CYBA: variants seen among roughly 807,000 people sequenced by gnomAD.
The protein encoded by CYBA is cytochrome b-245 light chain.
In CYBA, 21 loss-of-function variants were observed where a neutral mutation model predicts 20.8. That is an observed-to-expected ratio of 1.01 (90% confidence interval 0.72 to 1.46). CYBA has a LOEUF of 1.46. Among genes scored for constraint, CYBA ranks in the 40% most tolerant of loss-of-function variants. The pLI, the probability that CYBA is intolerant of heterozygous loss-of-function variation, is 0.00. For missense variants in CYBA, 344 were observed against 287.0 expected, an observed-to-expected ratio of 1.20 and a Z score of -1.43; for synonymous variants, 164 against 127.5, an observed-to-expected ratio of 1.29 and a Z score of -1.93.
chr16:88,645,423 C>T (rs1248964425), intron 5 of CYBA: 23 of 702,196 alleles, frequency 3.3e-5, no homozygotes, highest in Non-Finnish European at 6.0e-5. Flanking sequence ...GCAGGAGGGA[C>T]TTGGCTCTAT....
At chr16:88,645,903 C>T in intron 5 of CYBA, 1 of 594,044 alleles carries the variant, frequency 1.7e-6, no homozygotes, top group Non-Finnish European at 3.0e-6. Context: ...TGAGGAAATG[C>T]AAGGAAATGA....
In CYBA at chr16:88,643,542, G is replaced by C. The variant is rs1364191254; in HGVS notation, c.399C>G (p.Pro133=). The part of the protein sequence containing the change: ...LAAVRGEQWT[P]IEPKPRERPQ... ...GCCGCTCCCGGGGCTTGGGCTCGAT[G>C]GGCGTCCACTGCTCGCCACGCACAG... is the stretch of plus-strand genomic sequence containing the variant. The change falls in exon 6 of 6, where the codon CCC becomes CCG. Residue 133 remains proline, a synonymous_variant. Transcript: ENST00000261623. This position sits in a 1 kb window ranked among gnomAD's most constrained non-coding sequence, Gnocchi z 4.3. 1 of 1,534,872 alleles carries C rather than the reference G, an allele frequency of 6.5e-7. No homozygotes were observed. Among genetic ancestry groups the C allele is most frequent in the Non-Finnish European group, 8.7e-7 (1 of 1,146,680 alleles).
intron 5 of CYBA, chr16:88,645,256 A>G (rs1324738025): frequency 1.1e-5 from 8 of 702,310 alleles, no homozygotes; most frequent in African/African-American, 5.2e-5. Flanking sequence ...GGCAACAGGA[A>G]GGGGTTCTAA....
intron 3 of CYBA, 68 bp downstream of exon 3, chr16:88,647,033 C>T (rs1907312462): frequency 5.5e-6 from 8 of 1,465,078 alleles, no homozygotes; most frequent in South Asian, 3.5e-5. Context: ...CCAAGCTCCA[C>T]CCAACCCTGT....
intron 1 of CYBA, among the ~76,000 whole-genome samples, chr16:88,649,934 G>A (rs35601559): frequency 0.21 from 31,834 of 152,140 alleles, 4,127 homozygotes; most frequent in Non-Finnish European, 0.3. Flanking sequence ...CAGCTCTGGG[G>A]AGAGCTGTCT....
In CYBA at chr16:88,643,557, G is replaced by A. The variant is rs72547285; in HGVS notation, c.384C>T (p.Gly128=). 125 of 1,533,412 alleles carry A rather than the reference G, an allele frequency of 8.2e-5. No individual in the cohort carries two copies. Among genetic ancestry groups the A allele is most frequent in the Middle Eastern group, 6.9e-4 (3 of 4,352 alleles). 95.0% of individuals were successfully genotyped at this position (1,533,412 alleles called of 1,614,324 possible). A position where few individuals can be genotyped will look rare whatever the true frequency, so the allele number is the denominator to read the frequency against. Residue 128 remains glycine (G), a synonymous_variant, in exon 6 of 6, where the codon GGC becomes GGT. Coordinates refer to ENST00000261623, the MANE Select transcript of CYBA (RefSeq NM_000101.4). The surrounding 1 kb of genome is among the most constrained non-coding windows in gnomAD (Gnocchi z 4.3). ...SGIYLLAAVR[G]EQWTPIEPKP... ...TGGGCTCGATGGGCGTCCACTGCTC[G>A]CCACGCACAGCCGCCTGCGGGGCAC...
chr16:88,645,247 G>A (rs988432832), intron 5 of CYBA: 2 of 702,430 alleles, frequency 2.8e-6, no homozygotes, highest in Non-Finnish European at 5.2e-6. Context: ...TGAGCACTTG[G>A]CAACAGGAAG....
At position 88,648,051 on chromosome 16, in the gene CYBA, T is replaced by C. The variant is rs11547384; in HGVS notation, c.122A>G (p.Tyr41Cys). The change falls in exon 2 of 6, where the codon TAC becomes TGC. Residue 41 changes from tyrosine (Y) to cysteine (C), a missense_variant. By Grantham distance (194) the Tyr-to-Cys change is radical. Transcript: ENST00000261623. The stretch of plus-strand genomic sequence containing the variant: ...GCCTCAGGTGGAAGGATACATGGAG[T>C]AGGCACCAAAGTACCACTGGGTGAA... ...GRFTQWYFGA[Y>C]SIVAGVFVCL... 1 of 1,612,398 alleles carries C rather than the reference T, an allele frequency of 6.2e-7. No homozygotes were observed. The highest frequency in any genetic ancestry group is 8.5e-7 in the Non-Finnish European group (1 of 1,179,614).
intron 2 of CYBA, 38 bp downstream of exon 2, chr16:88,648,007 G>T: frequency 6.3e-7 from 1 of 1,588,724 alleles, no homozygotes. Flanking sequence ...TCTGCCCTGG[G>T]CGTTCCCCGC....
chr16:88,643,890 G>A lies in CYBA; in HGVS notation c.370-319C>T, dbSNP rs1455712396. ...CAAATTCTCCTCTCAAGGTGCCAAG[G>A]GCAGGGAAGGCAGGGAGGCAGGCCC... is the stretch of plus-strand genomic sequence containing the variant. On this transcript the variant is annotated intron_variant, in intron 5 of 5. Transcript: ENST00000261623. The surrounding 1 kb of genome is among the most constrained non-coding windows in gnomAD (Gnocchi z 4.3). Among the ~76,000 whole-genome samples, 1 of 152,206 alleles carries A rather than the reference G, an allele frequency of 6.6e-6. No individual in the cohort carries two copies. The highest frequency in any genetic ancestry group is 1.5e-5 in the Non-Finnish European group (1 of 68,026).
At chr16:88,648,461 G>A (rs1907372069) in intron 1 of CYBA, among the ~76,000 whole-genome samples, 2 of 152,186 alleles carry the variant, frequency 1.3e-5, no homozygotes, top group Admixed American at 1.3e-4. Context: ...AAGCTAACAG[G>A]CCGAGTGTGG....
chr16:88,645,098 G>A (rs1474786491), intron 5 of CYBA: 3 of 690,142 alleles, frequency 4.3e-6, no homozygotes, highest in Non-Finnish European at 7.9e-6. Flanking sequence ...TGCAGAGGCT[G>A]ATGCCTGACC....
At position 88,646,111 on chromosome 16, in the gene CYBA, C is replaced by G; in HGVS notation, c.369+5G>C. 6.4e-7 allele frequency: 1 copy of G among 1,550,682 alleles called. No homozygotes were observed. Among genetic ancestry groups the G allele is most frequent in the East Asian group, 2.4e-5 (1 of 41,176 alleles). ...CCGGGGCCGACCTCAGAGGGCGCCA[C>G]TCACCAGTAGGTAGATGCCGCTCGC... On this transcript the variant is annotated splice_donor_5th_base_variant and intron_variant, in intron 5 of 5. Coordinates refer to ENST00000261623, the MANE Select transcript of CYBA (RefSeq NM_000101.4).
intron 1 of CYBA, among the ~76,000 whole-genome samples, chr16:88,648,357 G>A (rs1379461320): frequency 6.6e-6 from 1 of 152,208 alleles, no homozygotes; most frequent in Non-Finnish European, 1.5e-5. Flanking sequence ...GGTCCCAGGA[G>A]TGGCCAAGGA....
intron 5 of CYBA, among the ~76,000 whole-genome samples, chr16:88,644,233 C>G (rs950248511): frequency 6.6e-6 from 1 of 152,216 alleles, no homozygotes; most frequent in Non-Finnish European, 1.5e-5. Flanking sequence ...AGAAACTGGA[C>G]ATGTGTGATC....
intron 2 of CYBA, chr16:88,647,581 G>A: frequency 5.5e-6 from 2 of 366,076 alleles, no homozygotes; most frequent in South Asian, 4.6e-5. Flanking sequence ...AGAGCCAGGA[G>A]GCAGCCACGG....
chr16:88,643,687 G>A lies in CYBA; in HGVS notation c.370-116C>T, dbSNP rs3199601. On this transcript the variant is annotated intron_variant, in intron 5 of 5. Transcript: ENST00000261623. This position sits in a 1 kb window ranked among gnomAD's most constrained non-coding sequence, Gnocchi z 4.3. ...GGACAGGCTCAAGTCTGAATCCCAC[G>A]CAGGATGGTGTGACTGCCACTCAGA... 24,911 of 971,744 alleles carry A rather than the reference G, an allele frequency of 0.026. 3,305 individuals carry two copies. The African/African-American group carries it at 0.33, about 13-fold the overall frequency. 60.2% of individuals were successfully genotyped at this position (971,744 alleles called of 1,614,324 possible).
chr16:88,649,435 C>A (rs1170510111), intron 1 of CYBA, among the ~76,000 whole-genome samples: 1 of 152,178 alleles, frequency 6.6e-6, no homozygotes, highest in Admixed American at 6.5e-5. Context: ...AAAGAGGGTG[C>A]AAAGCTGCCG....
At chr16:88,645,411 G>C (rs9940427) in intron 5 of CYBA, 2 of 702,244 alleles carry the variant, frequency 2.8e-6, no homozygotes, top group Admixed American at 2.0e-5. Context: ...TTGCCTCTGC[G>C]GGCAGGAGGG....
Sources: gnomAD v4.1 joint callset for allele counts (sites outside exome capture counted in the v4.1 genomes callset) on GRCh38, gnomAD v4.1.1 for gene constraint, Gnocchi (gnomAD v3.1) non-coding constraint, MANE v1.5 for transcripts, NCBI Gene and HGNC (gene_info 2026-07-23, HGNC 2026-07-21) for gene names.